The following SLC35D1 variants were observed in gnomAD, a reference collection of about 807,000 sequenced individuals.
SLC35D1 encodes the protein nucleotide sugar transporter SLC35D1.
Under a neutral mutation model 46.7 loss-of-function variants are expected in SLC35D1, and 31 were observed. The observed-to-expected ratio is 0.66, with a 90% CI of 0.50 to 0.90. The LOEUF (loss-of-function observed/expected upper bound fraction) is 0.90. Among genes scored for constraint, SLC35D1 ranks in the 40% least tolerant of loss-of-function variants. The pLI, the probability that SLC35D1 is intolerant of heterozygous loss-of-function variation, is 0.00. For synonymous variants in SLC35D1, 195 were observed against 164.6 expected (o/e 1.18, Z -1.41); for missense variants, 397 against 426.2 (o/e 0.93, Z 0.60).
chr1:66,976,515 AT>A, the SLC35D1 span: 1 of 1,415,606 alleles, frequency 7.1e-7, no homozygotes, highest in Non-Finnish European at 9.5e-7. Context: ...AGCCAAATTT[AT>A]TTTCAAACTT....
At chr1:66,980,379 A>G in the SLC35D1 span, among the ~76,000 whole-genome samples, 72 of 152,338 alleles carry the variant, frequency 4.7e-4, no homozygotes, top group Admixed American at 2.4e-3. Flanking sequence ...TGCATAGGTC[A>G]TGGTCATATA....
intron 11 of SLC35D1, among the ~76,000 whole-genome samples, chr1:67,006,283 T>C (rs970035439): frequency 6.6e-6 from 1 of 152,184 alleles, no homozygotes; most frequent in Admixed American, 6.5e-5. Context: ...GTCCCTCAAG[T>C]AGACTACTTC....
rs1238627918 is a variant in SLC35D1 at position 67,002,850 on chromosome 1, A to G, written c.*1490T>C. The G allele has an allele frequency of 1.3e-5, 2 of 152,402 alleles. No individual in the cohort carries two copies. The highest frequency in any genetic ancestry group is 4.8e-5 in the African/African-American group (2 of 41,460). The allele number at this position is 152,402 out of a possible 1,614,324, so 9.4% of individuals were successfully genotyped here. A position where few individuals can be genotyped will look rare whatever the true frequency, so the allele number is the denominator to read the frequency against. On this transcript the variant is annotated 3_prime_UTR_variant, in exon 12 of 12. Transcript: ENST00000235345. Reference sequence around the variant, plus strand: ...CAAATCTCTTGCACACTGGCTGTACAACTGGCCTGAGCAAACACACTAATC... The same window carrying G: ...CAAATCTCTTGCACACTGGCTGTACGACTGGCCTGAGCAAACACACTAATC...
intron 3 of SLC35D1, 126 bp downstream of exon 3, chr1:67,052,645 C>T: frequency 1.2e-6 from 1 of 864,538 alleles, no homozygotes; most frequent in South Asian, 1.4e-5. Flanking sequence ...TCTTTACATT[C>T]ATTATAACCA....
chr1:66,987,851 G>A, the SLC35D1 span: 3 of 152,110 alleles, frequency 2.0e-5, no homozygotes, highest in African/African-American at 4.8e-5. Context: ...ACCACATCTT[G>A]GGTGATGTAT....
At chr1:66,980,678 C>T in the SLC35D1 span, among the ~76,000 whole-genome samples, 2 of 152,058 alleles carry the variant, frequency 1.3e-5, no homozygotes, top group Non-Finnish European at 2.9e-5. Flanking sequence ...AGATAAATAA[C>T]ACAATTAGAA....
At chr1:67,036,893 T>C (rs1463915036) in intron 8 of SLC35D1, among the ~76,000 whole-genome samples, 1 of 152,028 alleles carries the variant, frequency 6.6e-6, no homozygotes, top group Non-Finnish European at 1.5e-5. Context: ...TTAGTGAAGG[T>C]GATTTTCTGT....
At chr1:67,034,558 G>C (rs1668084514) in intron 8 of SLC35D1, among the ~76,000 whole-genome samples, 1 of 152,126 alleles carries the variant, frequency 6.6e-6, no homozygotes, top group African/African-American at 2.4e-5. Flanking sequence ...TGCAATTTTA[G>C]TGAATTTATC....
intron 9 of SLC35D1, among the ~76,000 whole-genome samples, chr1:67,020,943 A>C (rs1667785375): frequency 6.6e-6 from 1 of 152,234 alleles, no homozygotes; most frequent in Non-Finnish European, 1.5e-5. Context: ...ATTTACACTG[A>C]GGCTTCTCAG....
At chr1:67,029,693 C>T (rs1260311682) in intron 8 of SLC35D1, among the ~76,000 whole-genome samples, 1 of 152,168 alleles carries the variant, frequency 6.6e-6, no homozygotes, top group Non-Finnish European at 1.5e-5. Flanking sequence ...CCCCTCTGAA[C>T]TTTGCTTTTT....
chr1:67,033,254 T>C (rs927859072), intron 8 of SLC35D1, among the ~76,000 whole-genome samples: 6 of 152,228 alleles, frequency 3.9e-5, no homozygotes, highest in African/African-American at 1.2e-4. Context: ...AGCAGTGGGA[T>C]TGCTAGATTG....
intron 5 of SLC35D1, 116 bp from the exon 6 acceptor site, chr1:67,049,966 C>A: frequency 1.3e-6 from 1 of 790,044 alleles, no homozygotes; most frequent in South Asian, 1.6e-5. Flanking sequence ...GTATTTTAAA[C>A]ATTTCTGAGA....
chr1:67,053,710 C>A (rs1402488721), intron 1 of SLC35D1, 101 bp downstream of exon 1: 13 of 1,160,342 alleles, frequency 1.1e-5, no homozygotes, highest in Non-Finnish European at 1.1e-6. Context: ...CAACTTTGTT[C>A]GGCTTTAACT....
rs551030697 is a variant in SLC35D1 at position 66,999,897 on chromosome 1, G to C, written c.*4443C>G. Reference sequence around the variant, plus strand: ...GGAAAAGGAACGCTGGCCTTTCCAGGAGCCATCTAAAGGTAAAAACTGAGA... The same window carrying C: ...GGAAAAGGAACGCTGGCCTTTCCAGCAGCCATCTAAAGGTAAAAACTGAGA... On this transcript the variant is annotated 3_prime_UTR_variant, in exon 12 of 12. Coordinates refer to ENST00000235345, the MANE Select transcript of SLC35D1 (RefSeq NM_015139.3). 6.6e-6 allele frequency: 1 copy of C among 152,292 alleles called. No homozygotes were observed. Among genetic ancestry groups the C allele is most frequent in the East Asian group, 1.9e-4 (1 of 5,204 alleles). The allele number at this position is 152,292 out of a possible 1,614,324, so 9.4% of individuals were successfully genotyped here. A position where few individuals can be genotyped will look rare whatever the true frequency, so the allele number is the denominator to read the frequency against.
chr1:66,981,832 C>T, the SLC35D1 span: 1 of 1,614,038 alleles, frequency 6.2e-7, no homozygotes. Flanking sequence ...TCTAGTCGAG[C>T]ACCATCCCCT....
At chr1:67,027,541 T>G (rs1469759866) in intron 8 of SLC35D1, among the ~76,000 whole-genome samples, 2 of 152,126 alleles carry the variant, frequency 1.3e-5, no homozygotes, top group Non-Finnish European at 2.9e-5. Flanking sequence ...CCCAAAGCAT[T>G]GGAATTACAG....
chr1:66,986,382 ATTC>A, the SLC35D1 span: 18 of 1,607,414 alleles, frequency 1.1e-5, no homozygotes, highest in Middle Eastern at 1.8e-4. Flanking sequence ...AATATTAATT[ATTC>A]TTGTTTTTCT....
intron 9 of SLC35D1, among the ~76,000 whole-genome samples, chr1:67,020,994 C>CCTG (rs1667786644): frequency 6.6e-6 from 1 of 152,136 alleles, no homozygotes; most frequent in Non-Finnish European, 1.5e-5. Context: ...TTTTGAAGCA[C>CCTG]CTGCTCACTG....
chr1:67,053,944 G>C lies in SLC35D1; in HGVS notation c.70C>G (p.Arg24Gly), dbSNP rs1645343533. 1 of 1,613,708 alleles carries C rather than the reference G, an allele frequency of 6.2e-7. No individual in the cohort carries two copies. Among genetic ancestry groups the C allele is most frequent in the African/African-American group, 1.3e-5 (1 of 75,038 alleles). Reference sequence around the variant, plus strand: ...GCCATCCCCAGCTCCTCCTCATCTCGGAGTGTGGAGGATTTCGCGGGGGCT... The same window carrying C: ...GCCATCCCCAGCTCCTCCTCATCTCCGAGTGTGGAGGATTTCGCGGGGGCT... ...GEAPAKSSTL[R>G]DEEELGMASA... The change falls in exon 1 of 12, where the codon CGA becomes GGA. Residue 24 changes from arginine (R) to glycine (G), a missense_variant. By Grantham distance (125) the Arg-to-Gly change is moderately radical (BLOSUM62 -2). Coordinates refer to ENST00000235345, the MANE Select transcript of SLC35D1 (RefSeq NM_015139.3).
Sources: allele counts gnomAD v4.1 joint callset (sites outside exome capture counted in the v4.1 genomes callset), GRCh38; gene constraint gnomAD v4.1.1; transcripts MANE v1.5; gene names NCBI Gene and HGNC (gene_info 2026-07-23, HGNC 2026-07-21).